The following CFAP54 variants were observed in gnomAD, a reference collection of about 807,000 sequenced individuals.
The protein encoded by CFAP54 is cilia and flagella associated protein 54, also known as cilia- and flagella-associated protein 54.
A neutral mutation model predicts 370.4 loss-of-function variants in CFAP54; 290 were observed. The ratio of observed to expected loss-of-function variants is 0.78; its 90% CI spans 0.71 to 0.86. The LOEUF is 0.86. CFAP54 is among the 40% of genes least tolerant of loss of function. The probability of loss-of-function intolerance (pLI) is 0.00; values close to 1 mark genes in which losing one functional copy is unlikely to be tolerated. For synonymous variants in CFAP54, 1,206 were observed against 1,236.5 expected (o/e 0.98, Z 0.52); for missense variants, 3,399 against 3,528.7 (o/e 0.96, Z 0.93).
chr12:96,797,757 A>T (rs1051731011), intron 63 of CFAP54, among the ~76,000 whole-genome samples: 2 of 151,982 alleles, frequency 1.3e-5, no homozygotes, highest in Admixed American at 1.3e-4. Context: ...ACCTGTGTTT[A>T]AATTTTGCTT....
At chr12:96,723,149 T>G (rs1023600052) in intron 50 of CFAP54, among the ~76,000 whole-genome samples, 3 of 152,176 alleles carry the variant, frequency 2.0e-5, no homozygotes, top group African/African-American at 7.2e-5. Context: ...TTATGTACCC[T>G]GGAAGTATAT....
intron 62 of CFAP54, among the ~76,000 whole-genome samples, chr12:96,788,911 CA>C (rs1180861758): frequency 1.3e-5 from 2 of 152,036 alleles, no homozygotes; most frequent in African/African-American, 4.8e-5. Context: ...GTGGCATGCC[CA>C]ATGCTCAGCA....
At chr12:96,695,759 T>C (rs1471601177) in intron 45 of CFAP54, among the ~76,000 whole-genome samples, 1 of 152,212 alleles carries the variant, frequency 6.6e-6, no homozygotes, top group African/African-American at 2.4e-5. Context: ...CTCTCTATAG[T>C]GTTTAGTGGG....
intron 50 of CFAP54, among the ~76,000 whole-genome samples, chr12:96,730,785 G>T (rs182770203): frequency 6.6e-6 from 1 of 152,144 alleles, no homozygotes; most frequent in African/African-American, 2.4e-5. Flanking sequence ...ATCCTCATTT[G>T]CTTTGATTGG....
chr12:96,571,894 G>A (rs1326820445), intron 19 of CFAP54, among the ~76,000 whole-genome samples: 6 of 152,126 alleles, frequency 3.9e-5, no homozygotes, highest in Admixed American at 2.6e-4. Context: ...CCTGAATTCT[G>A]TTATGGAATT....
At chr12:96,790,783 A>G (rs1318959438) in intron 62 of CFAP54, among the ~76,000 whole-genome samples, 1 of 152,214 alleles carries the variant, frequency 6.6e-6, no homozygotes, top group Non-Finnish European at 1.5e-5. Flanking sequence ...TTTTAGAAGC[A>G]AGGATTCTGG....
intron 48 of CFAP54, among the ~76,000 whole-genome samples, chr12:96,717,848 A>G (rs1054563188): frequency 6.6e-6 from 1 of 152,206 alleles, no homozygotes; most frequent in Admixed American, 6.5e-5. Context: ...TCAGTAGCCA[A>G]TAACTTGAAT....
intron 63 of CFAP54, among the ~76,000 whole-genome samples, chr12:96,804,159 G>C (rs1287553608): frequency 6.6e-6 from 1 of 151,968 alleles, no homozygotes; most frequent in Non-Finnish European, 1.5e-5. Context: ...CTTGAATATG[G>C]GTCTTTTGAA....
chr12:96,716,046 A>G (rs554259636), intron 48 of CFAP54, among the ~76,000 whole-genome samples: 11 of 152,212 alleles, frequency 7.2e-5, no homozygotes, highest in Non-Finnish European at 1.3e-4. Context: ...ACCTCACTTC[A>G]CATCCAACTC....
At chr12:96,580,491 A>C (rs780414094) in intron 20 of CFAP54, 106 bp from the exon 21 acceptor site, 42 of 593,576 alleles carry the variant, frequency 7.1e-5, no homozygotes, top group Non-Finnish European at 9.9e-5. Flanking sequence ...CTTGGATTTC[A>C]TGTTTTAAAA....
chr12:96,729,780 C>G (rs141794244), intron 50 of CFAP54, among the ~76,000 whole-genome samples: 6,992 of 152,286 alleles, frequency 0.046, 211 homozygotes, highest in South Asian at 0.085. Context: ...TCTTCTGCGT[C>G]GCTCACGCTG....
At chr12:96,737,173 G>T (rs1957988515) in intron 50 of CFAP54, among the ~76,000 whole-genome samples, 1 of 152,074 alleles carries the variant, frequency 6.6e-6, no homozygotes, top group African/African-American at 2.4e-5. Context: ...AATCTGAAAT[G>T]CCCCGACAAG....
At chr12:96,818,000 T>C in intron 65 of CFAP54, 87 bp downstream of exon 65, 1 of 978,910 alleles carries the variant, frequency 1.0e-6, no homozygotes, top group South Asian at 2.7e-5. Context: ...ACTTAAACTC[T>C]GTAATTCTTC....
At position 96,757,432 on chromosome 12, in the gene CFAP54, A is replaced by G. The variant is rs1958273439; in HGVS notation, c.7947-63A>G. 3.3e-6 allele frequency: 3 copies of G among 917,876 alleles called. No individual in the cohort carries two copies. The South Asian group carries it at 6.5e-5, about 20-fold the overall frequency. 56.9% of individuals were successfully genotyped at this position (917,876 alleles called of 1,614,324 possible). On this transcript the variant is annotated intron_variant, in intron 57 of 67. Transcript: ENST00000524981. The stretch of plus-strand genomic sequence containing the variant: ...TTTCATCAGCTCAGAAATTGTTGGC[A>G]AATGATACCAATGATTATGCATGGT...
intron 14 of CFAP54, among the ~76,000 whole-genome samples, chr12:96,542,064 T>A (rs944932538): frequency 1.9e-4 from 29 of 151,940 alleles, no homozygotes; most frequent in Admixed American, 1.2e-3. Flanking sequence ...TGTGGAGGAG[T>A]CCATGGAGGG....
intron 50 of CFAP54, among the ~76,000 whole-genome samples, chr12:96,729,099 CT>C (rs1268226566): frequency 2.6e-5 from 4 of 152,098 alleles, no homozygotes; most frequent in African/African-American, 7.3e-5. Context: ...TGGGGGGTGC[CT>C]GCCAGTTAGG....
chr12:96,716,181 G>A (rs1957676089), intron 48 of CFAP54, among the ~76,000 whole-genome samples: 1 of 152,182 alleles, frequency 6.6e-6, no homozygotes, highest in South Asian at 2.1e-4. Context: ...AATTAAATAT[G>A]TAGATTTTCT....
At chr12:96,723,676 T>G (rs1957787617) in intron 50 of CFAP54, among the ~76,000 whole-genome samples, 1 of 152,022 alleles carries the variant, frequency 6.6e-6, no homozygotes, top group Non-Finnish European at 1.5e-5. Context: ...TTTTTTCTTT[T>G]TTTAAATTAT....
chr12:96,552,179 GA>G (rs373271618), intron 15 of CFAP54, among the ~76,000 whole-genome samples: 51 of 147,438 alleles, frequency 3.5e-4, no homozygotes, highest in African/African-American at 1.3e-3. Context: ...CTGGGAGGCA[GA>G]GGTTGCAGTG....
Sources: gnomAD v4.1 joint callset for allele counts (sites outside exome capture counted in the v4.1 genomes callset) on GRCh38, gnomAD v4.1.1 for gene constraint, MANE v1.5 for transcripts, NCBI Gene and HGNC (gene_info 2026-07-23, HGNC 2026-07-21) for gene names.